INSL6: variants seen among roughly 807,000 people sequenced by gnomAD.
INSL6 encodes insulin like 6.
In INSL6, 16 loss-of-function variants were observed where a neutral mutation model predicts 9.4. That is an observed-to-expected ratio of 1.70 (90% CI 1.15 to 2.59). INSL6 has a LOEUF of 2.59. INSL6 is among the 30% of genes most tolerant of loss of function. The pLI is 0.00. For missense variants in INSL6, 391 were observed against 257.3 expected, an observed-to-expected ratio of 1.52 and a Z score of -3.56; for synonymous variants, 154 against 96.9, an observed-to-expected ratio of 1.59 and a Z score of -3.46.
intron 1 of INSL6, among the ~76,000 whole-genome samples, chr9:5,176,178 G>T (rs531480640): frequency 4.6e-5 from 7 of 152,260 alleles, no homozygotes; most frequent in African/African-American, 1.7e-4. Flanking sequence ...AAGGGCCTCT[G>T]CTCCACTATT....
the INSL6 span, among the ~76,000 whole-genome samples, chr9:5,010,471 C>A: frequency 0.24 from 36,358 of 151,902 alleles, 4,492 homozygotes; most frequent in African/African-American, 0.26. Context: ...CAGGCGTGTA[C>A]CACTATGCCC....
the INSL6 span, chr9:5,029,871 T>G: frequency 6.2e-7 from 1 of 1,612,728 alleles, no homozygotes; most frequent in Non-Finnish European, 8.5e-7. Context: ...TCCATATAGA[T>G]GAGTCAACCA....
At chr9:5,156,469 G>A (rs1824816032) in intron 2 of INSL6, among the ~76,000 whole-genome samples, 1 of 152,038 alleles carries the variant, frequency 6.6e-6, no homozygotes, top group Non-Finnish European at 1.5e-5. Flanking sequence ...TCAGAATAAA[G>A]AAGAAAGCCC....
At chr9:5,061,824 C>G in the INSL6 span, among the ~76,000 whole-genome samples, 1 of 152,212 alleles carries the variant, frequency 6.6e-6, no homozygotes, top group African/African-American at 2.4e-5. Context: ...CCTCACTAAG[C>G]TTAATCATTT....
chr9:5,139,431 T>C (rs937455367), intron 2 of INSL6, among the ~76,000 whole-genome samples: 1 of 152,100 alleles, frequency 6.6e-6, no homozygotes, highest in East Asian at 1.9e-4. Context: ...ACAAAGAAAG[T>C]TGAAAGTAAA....
At chr9:4,998,940 G>A in the INSL6 span, among the ~76,000 whole-genome samples, 9 of 151,778 alleles carry the variant, frequency 5.9e-5, no homozygotes, top group Non-Finnish European at 8.8e-5. Context: ...TCCTGCCTCA[G>A]CCTCCGGAGT....
the INSL6 span, chr9:5,085,385 C>T: frequency 1.1e-6 from 1 of 895,050 alleles, no homozygotes; most frequent in Non-Finnish European, 1.9e-6. Context: ...ACCACTGGGT[C>T]GGGGCATCCT....
At chr9:5,120,910 TTC>T (rs1378835948), downstream of INSL6, among the ~76,000 whole-genome samples, 1 of 152,326 alleles carries the variant, frequency 6.6e-6, no homozygotes, top group East Asian at 1.9e-4. Flanking sequence ...GAGGATGGAA[TTC>T]TGTTTGCCTA....
downstream of INSL6, among the ~76,000 whole-genome samples, chr9:5,161,881 G>C (rs994344072): frequency 6.6e-6 from 1 of 151,960 alleles, no homozygotes; most frequent in African/African-American, 2.4e-5. Flanking sequence ...GGAGCCCGGA[G>C]ACCAGCCTGG....
the INSL6 span, chr9:5,044,618 T>C: frequency 1.1e-5 from 8 of 723,350 alleles, no homozygotes; most frequent in Non-Finnish European, 1.8e-5. Context: ...TATGGGAAAA[T>C]TGCAGTTCTG....
chr9:5,071,043 G>A, the INSL6 span, among the ~76,000 whole-genome samples: 5 of 152,240 alleles, frequency 3.3e-5, no homozygotes, highest in Non-Finnish European at 5.9e-5. Flanking sequence ...TTTTAACTGC[G>A]CTTCTGGTGA....
the INSL6 span, among the ~76,000 whole-genome samples, chr9:5,081,147 G>A: frequency 3.3e-5 from 5 of 151,828 alleles, no homozygotes; most frequent in Middle Eastern, 3.4e-3. Context: ...CGCCCGCCTC[G>A]GCCTCCCAAA....
intron 2 of INSL6, among the ~76,000 whole-genome samples, chr9:5,134,670 C>G (rs1824357756): frequency 6.6e-6 from 1 of 152,152 alleles, no homozygotes; most frequent in Non-Finnish European, 1.5e-5. Flanking sequence ...GCCTGCCTAA[C>G]AAGAGCTCCT....
At chr9:5,023,100 G>C in the INSL6 span, among the ~76,000 whole-genome samples, 8 of 152,066 alleles carry the variant, frequency 5.3e-5, no homozygotes, top group Admixed American at 5.2e-4. Context: ...TCAAACATTT[G>C]AACTTGTTCC....
At chr9:5,041,612 C>G in the INSL6 span, 1 of 495,544 alleles carries the variant, frequency 2.0e-6, no homozygotes, top group Non-Finnish European at 4.1e-6. Context: ...CCGACTGTGA[C>G]TACATGCGGC....
the INSL6 span, among the ~76,000 whole-genome samples, chr9:5,074,967 A>G: frequency 6.6e-6 from 1 of 152,236 alleles, no homozygotes; most frequent in Non-Finnish European, 1.5e-5. Flanking sequence ...GAGCACATAA[A>G]TTACAAGAAA....
intron 1 of INSL6, among the ~76,000 whole-genome samples, chr9:5,169,201 C>T (rs907100387): frequency 4.3e-4 from 65 of 152,198 alleles, no homozygotes; most frequent in African/African-American, 1.5e-3. Context: ...GCTGGGATTA[C>T]AGGCATGAGC....
At chr9:5,112,801 T>A in the INSL6 span, 1 of 549,262 alleles carries the variant, frequency 1.8e-6, no homozygotes, top group African/African-American at 1.9e-5. Flanking sequence ...TGCTTTCAGC[T>A]GCCCACCTGG....
At chr9:5,104,646 G>A in the INSL6 span, among the ~76,000 whole-genome samples, 1 of 152,186 alleles carries the variant, frequency 6.6e-6, no homozygotes. Flanking sequence ...GAACGTCGAT[G>A]TGAAAATCCT....
Sources: allele counts gnomAD v4.1 joint callset (sites outside exome capture counted in the v4.1 genomes callset), GRCh38; gene constraint gnomAD v4.1.1; transcripts MANE v1.5; gene names NCBI Gene and HGNC (gene_info 2026-07-23, HGNC 2026-07-21).